Variants in FANCA observed in about 807,000 individuals in gnomAD.
FANCA encodes FA complementation group A.
A neutral mutation model predicts 194.3 loss-of-function variants in FANCA; 236 were observed. The ratio of observed to expected loss-of-function variants is 1.21; its 90% CI spans 1.09 to 1.35. FANCA has a LOEUF of 1.35. Among genes scored for constraint, FANCA ranks in the 40% most tolerant of loss-of-function variants. The pLI is 0.00. For missense variants in FANCA, 2,628 were observed against 1,813.9 expected (o/e 1.45, Z -8.15); for synonymous variants, 1,014 against 715.8 (o/e 1.42, Z -6.65).
At chr16:89,814,781 A>T (rs1266147918) in intron 2 of FANCA, among the ~76,000 whole-genome samples, 168 bp from the exon 3 acceptor site, 2 of 149,844 alleles carry the variant, frequency 1.3e-5, no homozygotes, top group Non-Finnish European at 2.9e-5. Flanking sequence ...TCTCTACTAA[A>T]AATACAAAAA....
intron 36 of FANCA, among the ~76,000 whole-genome samples, chr16:89,744,292 C>T (rs146228843): frequency 6.6e-6 from 1 of 152,176 alleles, no homozygotes; most frequent in Non-Finnish European, 1.5e-5. Flanking sequence ...AAGGTGTTCT[C>T]CAAGGAGGCA....
intron 14 of FANCA, among the ~76,000 whole-genome samples, chr16:89,786,721 G>A (rs1365919803): frequency 6.6e-6 from 1 of 152,204 alleles, no homozygotes; most frequent in African/African-American, 2.4e-5. Flanking sequence ...CTCTGAGAGG[G>A]ACAGAGTCAC....
chr16:89,798,297 C>T, intron 10 of FANCA: 5 of 996,032 alleles, frequency 5.0e-6, no homozygotes, highest in Non-Finnish European at 6.0e-6. Context: ...GCCGTCCACA[C>T]CGCAGTCTCT....
At chr16:89,779,511 A>C (rs1455076882) in intron 18 of FANCA, among the ~76,000 whole-genome samples, 1 of 152,018 alleles carries the variant, frequency 6.6e-6, no homozygotes, top group Non-Finnish European at 1.5e-5. Flanking sequence ...CAAGCTCCCC[A>C]ATCAGCAGTT....
rs764351074 is a variant in FANCA at position 89,749,873 on chromosome 16, T to C, written c.3096A>G (p.Gln1032=). Residue 1032 remains glutamine, a synonymous_variant, in exon 32 of 43, where the codon CAA becomes CAG. Transcript: ENST00000389301. ...QEMVADLELQ[Q]DLIVPLGHTP... Reference sequence around the variant, plus strand: ...TGTGGCCGAGAGGCACTATGAGGTCTTGCTGCAGCTCCAGGTCAGCTACCA... The same window carrying C: ...TGTGGCCGAGAGGCACTATGAGGTCCTGCTGCAGCTCCAGGTCAGCTACCA... 6.2e-7 allele frequency: 1 copy of C among 1,614,152 alleles called. No individual in the cohort carries two copies. The highest frequency in any genetic ancestry group is 8.5e-7 in the Non-Finnish European group (1 of 1,180,028).
chr16:89,795,940 C>A lies in FANCA; in HGVS notation c.972G>T (p.Leu324=). 6.2e-7 allele frequency: 1 copy of A among 1,614,132 alleles called. No homozygotes were observed. The highest frequency in any genetic ancestry group is 8.5e-7 in the Non-Finnish European group (1 of 1,179,978). The change falls in exon 11 of 43, where the codon CTG becomes CTT. Residue 324 remains leucine, a synonymous_variant. Transcript: ENST00000389301. ...DPLKRFFSHT[L]TQILTHSPVL... ...CAGGGCTGTGAGTGAGTATCTGAGT[C>A]AGGGTATGACTGAAGAACCTCTTCA...
intron 35 of FANCA, 139 bp downstream of exon 35, chr16:89,746,445 G>C (rs1598070406): frequency 1.6e-6 from 1 of 623,166 alleles, no homozygotes; most frequent in Non-Finnish European, 2.8e-6. Flanking sequence ...ATCTTTAACT[G>C]TGGCTTCCAT....
intron 8 of FANCA, among the ~76,000 whole-genome samples, chr16:89,801,658 G>C (rs2143602464): frequency 6.6e-6 from 1 of 152,242 alleles, no homozygotes; most frequent in South Asian, 2.1e-4. Flanking sequence ...AGGAGGCCAA[G>C]GCAGGCAGAT....
Position 89,738,118 on chromosome 16 carries a change from A to T in FANCA, c.*483T>A. ...GAAGGCCCACAACCTCAATGTACACATGTCCATGGTGCACCCGCTGACACA... is the reference window on the plus strand; with the variant it reads ...GAAGGCCCACAACCTCAATGTACACTTGTCCATGGTGCACCCGCTGACACA... On this transcript the variant is annotated 3_prime_UTR_variant, in exon 43 of 43. Coordinates refer to ENST00000389301, the MANE Select transcript of FANCA (RefSeq NM_000135.4). 6.2e-7 allele frequency: 1 copy of T among 1,613,824 alleles called. No homozygotes were observed. Among genetic ancestry groups the T allele is most frequent in the Non-Finnish European group, 8.5e-7 (1 of 1,179,988 alleles).
In FANCA at chr16:89,789,971, G is replaced by C. The variant is rs369433022; in HGVS notation, c.1359+1432C>G. Reference sequence around the variant, plus strand: ...TATTTCCAAAGCCCCCTCCAGGCGAGTCTAATGCCCACTTAGGTTCAGGAA... The same window carrying C: ...TATTTCCAAAGCCCCCTCCAGGCGACTCTAATGCCCACTTAGGTTCAGGAA... On this transcript the variant is annotated intron_variant, in intron 14 of 42. Coordinates refer to ENST00000389301, the MANE Select transcript of FANCA (RefSeq NM_000135.4). Among the ~76,000 whole-genome samples the C allele has an allele frequency of 1.3e-5, 2 of 152,120 alleles. 1 individual carries two copies. Among genetic ancestry groups the C allele is most frequent in the East Asian group, 3.9e-4 (2 of 5,186 alleles).
chr16:89,788,336 C>CTGTA (rs1158386762), intron 14 of FANCA, among the ~76,000 whole-genome samples: 1 of 152,090 alleles, frequency 6.6e-6, no homozygotes, highest in Admixed American at 6.6e-5. Flanking sequence ...TGGCAGGCAC[C>CTGTA]TGTAGTCCCA....
chr16:89,745,853 C>T (rs747149143), intron 35 of FANCA, among the ~76,000 whole-genome samples: 1 of 152,238 alleles, frequency 6.6e-6, no homozygotes, highest in Non-Finnish European at 1.5e-5. Flanking sequence ...ATGCCTGGTC[C>T]TTGGATGCCC....
intron 5 of FANCA, among the ~76,000 whole-genome samples, chr16:89,809,982 C>A (rs1705215744): frequency 6.6e-6 from 1 of 151,872 alleles, no homozygotes; most frequent in African/African-American, 2.4e-5. Flanking sequence ...GCCAAGATTG[C>A]GCCACTGCAC....
chr16:89,743,301 C>G (rs887181135), intron 36 of FANCA, among the ~76,000 whole-genome samples: 8 of 152,192 alleles, frequency 5.3e-5, no homozygotes, highest in Non-Finnish European at 1.2e-4. Flanking sequence ...GCATTCCCTC[C>G]TACAACAGAG....
At chr16:89,795,226 A>T (rs771206573) in intron 11 of FANCA, among the ~76,000 whole-genome samples, 1 of 151,946 alleles carries the variant, frequency 6.6e-6, no homozygotes, top group Non-Finnish European at 1.5e-5. Flanking sequence ...TGGAGGTTGC[A>T]GTGAGCCCAA....
chr16:89,765,307 G>C (rs2039089311), intron 27 of FANCA, among the ~76,000 whole-genome samples: 1 of 150,502 alleles, frequency 6.6e-6, no homozygotes, highest in African/African-American at 2.4e-5. Flanking sequence ...TCCAGCCCTT[G>C]GGAGGGCACA....
At position 89,746,468 on chromosome 16, in the gene FANCA, AT is replaced by A. The variant is rs1038603120; in HGVS notation, c.3513+115del. On this transcript the variant is annotated intron_variant, in intron 35 of 42. Coordinates refer to ENST00000389301, the MANE Select transcript of FANCA (RefSeq NM_000135.4). ...CTGTGGCTTCCATGTCTCCTGATGC[AT>A]TTTCCCTGAGATGGTAACACCCGTG... is the stretch of plus-strand genomic sequence containing the variant. The A allele has an allele frequency of 2.0e-5, 17 of 844,264 alleles. No individual in the cohort carries two copies. In the African/African-American group the frequency reaches 2.2e-4, roughly 11 times the overall value. 52.3% of individuals were successfully genotyped at this position (844,264 alleles called of 1,614,324 possible).
At chr16:89,780,799 G>A (rs1300494997) in intron 17 of FANCA, among the ~76,000 whole-genome samples, 2 of 151,764 alleles carry the variant, frequency 1.3e-5, no homozygotes, top group South Asian at 2.1e-4. Context: ...GCATGGTGGC[G>A]CACACTTGTA....
intron 14 of FANCA, 76 bp downstream of exon 14, chr16:89,791,327 T>TGG: frequency 1.3e-6 from 2 of 1,567,360 alleles, no homozygotes; most frequent in East Asian, 4.7e-5. Context: ...GAGAATCAGG[T>TGG]GGGGACAGCA....
Sources: allele counts gnomAD v4.1 joint callset (sites outside exome capture counted in the v4.1 genomes callset), GRCh38; gene constraint gnomAD v4.1.1; transcripts MANE v1.5; gene names NCBI Gene and HGNC (gene_info 2026-07-23, HGNC 2026-07-21).